The following LTBP4 variants were observed in gnomAD, a reference collection of about 807,000 sequenced individuals.
The protein encoded by LTBP4 is latent transforming growth factor beta binding protein 4.
LTBP4 carries 93 observed loss-of-function variants against 180.2 expected under a neutral mutation model. The observed-to-expected ratio is 0.52, with a 90% CI of 0.44 to 0.61. The LOEUF is 0.61. Among genes scored for constraint, LTBP4 ranks in the 20% least tolerant of loss-of-function variants. The probability of loss-of-function intolerance (pLI) is 0.00; values close to 1 mark genes in which losing one functional copy is unlikely to be tolerated. For missense variants in LTBP4, 2,116 were observed against 2,256.5 expected, an observed-to-expected ratio of 0.94 and a Z score of 1.26; for synonymous variants, 947 against 934.5, an observed-to-expected ratio of 1.01 and a Z score of -0.24.
In LTBP4 at chr19:40,605,971, G is replaced by A. The variant is rs1341378643; in HGVS notation, c.793+140G>A. 1 of 1,031,842 alleles carries A rather than the reference G, an allele frequency of 9.7e-7. No individual in the cohort carries two copies. The highest frequency in any genetic ancestry group is 1.4e-6 in the Non-Finnish European group (1 of 722,102). 63.9% of individuals were successfully genotyped at this position (1,031,842 alleles called of 1,614,324 possible). ...CATTGTGGAGGCGACTTCCAGTCCT[G>A]AGCTTTTCATACCGCTCTGGGACCA... On this transcript the variant is annotated intron_variant, in intron 4 of 29. Transcript: ENST00000396819. The surrounding 1 kb of genome is among the most constrained non-coding windows in gnomAD (Gnocchi z 5.5).
chr19:40,600,500 C>T (rs867050334), upstream of LTBP4, among the ~76,000 whole-genome samples: 17 of 152,330 alleles, frequency 1.1e-4, no homozygotes, highest in African/African-American at 4.1e-4. This position sits in a 1 kb window ranked among gnomAD's most constrained non-coding sequence, Gnocchi z 4.4. Flanking sequence ...AGCGATTGTG[C>T]GGGTTGGCGC....
intron 29 of LTBP4, among the ~76,000 whole-genome samples, chr19:40,628,719 C>T (rs1181914024): frequency 1.3e-5 from 2 of 152,136 alleles, no homozygotes; most frequent in Non-Finnish European, 2.9e-5. Context: ...AATGGAGGCA[C>T]ATGCGTAAAA....
At chr19:40,607,273 C>A in intron 6 of LTBP4, 92 bp from the exon 7 acceptor site, 3 of 811,718 alleles carry the variant, frequency 3.7e-6, no homozygotes, top group Non-Finnish European at 5.4e-6. Flanking sequence ...CCCCCACCCC[C>A]AACCCCAGAA....
In LTBP4 at chr19:40,609,652, C is replaced by A. The variant is rs770158909; in HGVS notation, c.1549C>A (p.Arg517=). Reference sequence around the variant, plus strand: ...CTTCCGGCTCAGCCCCCAGGGCACCCGATGCATTGGTGAGCAAGACGGAGG... The same window carrying A: ...CTTCCGGCTCAGCCCCCAGGGCACCAGATGCATTGGTGAGCAAGACGGAGG... ...SGFRLSPQGT[R]CIDVDECRRV... The change falls in exon 10 of 30, where the codon CGA becomes AGA. Residue 517 remains arginine (R), a synonymous_variant. Transcript: ENST00000396819. This position sits in a 1 kb window ranked among gnomAD's most constrained non-coding sequence, Gnocchi z 4.9. 6.2e-7 allele frequency: 1 copy of A among 1,613,190 alleles called. No homozygotes were observed. The highest frequency in any genetic ancestry group is 2.2e-5 in the East Asian group (1 of 44,876).
Position 40,623,993 on chromosome 19 carries a change from C to T in LTBP4, c.3743C>T (p.Thr1248Ile). ...TGTGAGGGCGGCCGCTGTGTCAACA[C>T]TGTGGGCTCTTATCACTGTACCTGC... ...PACEGGRCVN[T>I]VGSYHCTCEP... Residue 1248 changes from threonine (T) to isoleucine (I), a missense_variant, in exon 26 of 30, where the codon ACT (threonine) becomes ATT (isoleucine). Physicochemically the swap from Thr to Ile is moderately conservative, Grantham distance 89. This residue lies in a region of LTBP4 where 488 missense variants were observed against 458.8 expected (regional missense o/e 1.06). Coordinates refer to ENST00000396819, the MANE Select transcript of LTBP4 (RefSeq NM_001042545.2). 1 of 1,613,586 alleles carries T rather than the reference C, an allele frequency of 6.2e-7. No individual in the cohort carries two copies. The highest frequency in any genetic ancestry group is 8.5e-7 in the Non-Finnish European group (1 of 1,179,742).
chr19:40,603,968 C>T (rs2081441146), intron 1 of LTBP4, among the ~76,000 whole-genome samples: 1 of 152,260 alleles, frequency 6.6e-6, no homozygotes. Context: ...CGAGGGCGCG[C>T]AGAGGGGAGT....
intron 22 of LTBP4, among the ~76,000 whole-genome samples, chr19:40,621,247 A>G (rs1358809173): frequency 6.6e-6 from 1 of 152,046 alleles, no homozygotes; most frequent in African/African-American, 2.4e-5. Context: ...TCGGCCCAAC[A>G]GCCAGTTTTT....
intron 1 of LTBP4, 112 bp from the exon 2 acceptor site, chr19:40,604,923 G>A (rs2081447630): frequency 1.0e-6 from 1 of 959,898 alleles, no homozygotes; most frequent in Non-Finnish European, 1.5e-6. Flanking sequence ...GGGGCCACAT[G>A]ACAGCTAAGG....
upstream of LTBP4, chr19:40,597,254 G>C (rs898086397): frequency 1.3e-6 from 2 of 1,508,114 alleles, no homozygotes; most frequent in African/African-American, 1.4e-5. Flanking sequence ...CCTGGCACCA[G>C]CGGCCGCCGC....
intron 1 of LTBP4, among the ~76,000 whole-genome samples, chr19:40,595,291 G>C (rs1177320829): frequency 1.3e-5 from 2 of 152,100 alleles, no homozygotes; most frequent in East Asian, 3.9e-4. Context: ...AGAATATAGG[G>C]TGGAGCCTTG....
intron 4 of LTBP4, 27 bp from the exon 5 acceptor site, chr19:40,606,206 T>C: frequency 1.9e-6 from 3 of 1,563,952 alleles, no homozygotes; most frequent in Non-Finnish European, 2.6e-6. Flanking sequence ...CACCTGTCCC[T>C]GGCCCACCCC....
intron 6 of LTBP4, among the ~76,000 whole-genome samples, chr19:40,607,136 T>G (rs1301384996): frequency 2.0e-5 from 3 of 152,200 alleles, no homozygotes; most frequent in Non-Finnish European, 4.4e-5. Flanking sequence ...CTTGAGATCC[T>G]TCTCAGAGTC....
Position 40,626,939 on chromosome 19 carries a change from C to T in LTBP4, c.3986-36C>T, listed in dbSNP as rs979979006. On this transcript the variant is annotated intron_variant, in intron 27 of 29. Coordinates refer to ENST00000396819, the MANE Select transcript of LTBP4 (RefSeq NM_001042545.2). ...TGTGAGTGGTGGGTGTGGGGGCCAG[C>T]AGGGGCTGATTGTTTGCCTTGGCTC... 4.6e-6 allele frequency: 7 copies of T among 1,518,716 alleles called. No homozygotes were observed. The African/African-American group carries it at 9.6e-5, about 21-fold the overall frequency. 94.1% of individuals were successfully genotyped at this position (1,518,716 alleles called of 1,614,324 possible). A position where few individuals can be genotyped will look rare whatever the true frequency, so the allele number is the denominator to read the frequency against.
intron 25 of LTBP4, 29 bp downstream of exon 25, chr19:40,623,761 G>T (rs1308094181): frequency 6.2e-7 from 1 of 1,612,576 alleles, no homozygotes; most frequent in Non-Finnish European, 8.5e-7. Context: ...CCAACCCCCG[G>T]CAACTCTCTC....
intron 27 of LTBP4, 76 bp downstream of exon 27, chr19:40,626,085 C>T (rs139032057): frequency 2.9e-5 from 42 of 1,460,268 alleles, no homozygotes; most frequent in Non-Finnish European, 3.4e-5. Context: ...GATCCCCAGT[C>T]GCAGAACCCC....
At position 40,601,542 on chromosome 19, in the gene LTBP4, C is replaced by T. The variant is rs1208914323; in HGVS notation, c.155C>T (p.Ser52Phe). ...CGCTGCGTCCATGGGCCGACCGGCT[C>T]CCGCTGTACCCCGACCTGCGCGCCC... ...GLRCVHGPTG[S>F]RCTPTCAPRN... The change falls in exon 1 of 30, where the codon TCC (serine) becomes TTC (phenylalanine). Residue 52 changes from serine to phenylalanine, a missense_variant. This residue lies in a region of LTBP4 where 469 missense variants were observed against 532.5 expected (regional missense o/e 0.88). Transcript: ENST00000396819. The T allele has an allele frequency of 2.0e-6, 3 of 1,487,468 alleles. No homozygotes were observed. The Admixed American group carries it at 6.7e-5, about 33-fold the overall frequency. 92.1% of individuals were successfully genotyped at this position (1,487,468 alleles called of 1,614,324 possible).
At position 40,612,136 on chromosome 19, in the gene LTBP4, C is replaced by T; in HGVS notation, c.2243C>T (p.Ser748Phe). The T allele has an allele frequency of 6.8e-6, 11 of 1,613,322 alleles. No individual in the cohort carries two copies. Among genetic ancestry groups the T allele is most frequent in the Non-Finnish European group, 9.3e-6 (11 of 1,179,664 alleles). The change falls in exon 15 of 30, where the codon TCC becomes TTC. Residue 748 changes from serine to phenylalanine, a missense_variant. Around this residue, in one of 5 missense-constraint regions of LTBP4, gnomAD observed 877 missense variants for 873.6 expected, o/e 1.00. Transcript: ENST00000396819. ...PGQECVNSPG[S>F]FQCRTCPSGH... ...CAGGAGTGTGTGAACTCGCCCGGCT[C>T]CTTCCAGTGCAGGACCTGTCCTTCT...
rs1269993212 is a variant in LTBP4, at chr19:40,609,790, C to T, written c.1603C>T (p.Arg535Cys). Residue 535 changes from arginine (R) to cysteine (C), a missense_variant, in exon 11 of 30, where the codon CGC (arginine) becomes TGC (cysteine). Arg to Cys is a radical substitution (Grantham distance 180, BLOSUM62 -3). Coordinates refer to ENST00000396819, the MANE Select transcript of LTBP4 (RefSeq NM_001042545.2). This position sits in a 1 kb window ranked among gnomAD's most constrained non-coding sequence, Gnocchi z 4.9. ...CGTGCCCCCGCCCTGTGCTCCCGGG[C>T]GCTGCGAGAACTCACCAGGCAGCTT... ...RRVPPPCAPGRCENSPGSFRC... is the reference protein window; with the variant it reads ...RRVPPPCAPGCCENSPGSFRC... The T allele has an allele frequency of 1.2e-6, 2 of 1,611,568 alleles. No homozygotes were observed. Among genetic ancestry groups the T allele is most frequent in the Admixed American group, 1.7e-5 (1 of 59,902 alleles).
At position 40,605,876 on chromosome 19, in the gene LTBP4, TG is replaced by T; in HGVS notation, c.793+46del. 2.0e-6 allele frequency: 3 copies of T among 1,517,458 alleles called. No homozygotes were observed. The highest frequency in any genetic ancestry group is 2.6e-6 in the Non-Finnish European group (3 of 1,132,814). 94.0% of individuals were successfully genotyped at this position (1,517,458 alleles called of 1,614,324 possible). On this transcript the variant is annotated intron_variant, in intron 4 of 29. Coordinates refer to ENST00000396819, the MANE Select transcript of LTBP4 (RefSeq NM_001042545.2). This position sits in a 1 kb window ranked among gnomAD's most constrained non-coding sequence, Gnocchi z 5.5. ...CGAAGTGCTCGGAGCTGGGGAGTGGTGACAACCTCACCGTTCCTCCTACTCT... is the reference window on the plus strand; with the variant it reads ...CGAAGTGCTCGGAGCTGGGGAGTGGTACAACCTCACCGTTCCTCCTACTCT...
Sources: gnomAD v4.1 joint callset for allele counts (sites outside exome capture counted in the v4.1 genomes callset) on GRCh38, gnomAD v4.1.1 for gene constraint, gnomAD v4.1.1 regional missense constraint, Gnocchi (gnomAD v3.1) non-coding constraint, MANE v1.5 for transcripts, NCBI Gene and HGNC (gene_info 2026-07-23, HGNC 2026-07-21) for gene names.